Variants in PMVK observed in about 807,000 individuals in gnomAD.
PMVK encodes phosphomevalonate kinase, also known as testis tissue sperm-binding protein Li 95mP.
In PMVK, 10 loss-of-function variants were observed where a neutral mutation model predicts 19.0. The observed-to-expected ratio is 0.53, with a 90% CI of 0.32 to 0.89. PMVK has a LOEUF of 0.89. PMVK is among the 40% of genes least tolerant of loss of function. PMVK has a pLI of 0.03. For missense variants in PMVK, 222 were observed against 251.1 expected, an observed-to-expected ratio of 0.88 and a Z score of 0.78; for synonymous variants, 108 against 101.6, an observed-to-expected ratio of 1.06 and a Z score of -0.38.
chr1:154,936,743 G>T, upstream of PMVK: 1 of 1,441,474 alleles, frequency 6.9e-7, no homozygotes, highest in South Asian at 1.2e-5. Flanking sequence ...CCTAAAATCG[G>T]GACACCGCGC....
At chr1:154,933,489 CCT>C (rs1491569445) in intron 1 of PMVK, among the ~76,000 whole-genome samples, 2 of 144,648 alleles carry the variant, frequency 1.4e-5, no homozygotes, top group African/African-American at 5.3e-5. Flanking sequence ...ACTTAACCAA[CCT>C]TTTTTTTTTT....
chr1:154,934,782 AG>A (rs1207631665), intron 1 of PMVK, among the ~76,000 whole-genome samples: 1 of 152,104 alleles, frequency 6.6e-6, no homozygotes, highest in African/African-American at 2.4e-5. Context: ...GACGCAGGCC[AG>A]GTGCGGTGGT....
rs1024842929 is a variant in PMVK, at chr1:154,936,687, G to T, written c.-2C>A. 1.2e-6 allele frequency: 2 copies of T among 1,601,256 alleles called. No homozygotes were observed. The highest frequency in any genetic ancestry group is 1.7e-6 in the Non-Finnish European group (2 of 1,174,472). ...CGGGGCGCCTCCCAGCGGGGCCATG[G>T]GGCCGCCACGCCTCGCGATGCCTGA... is the stretch of plus-strand genomic sequence containing the variant. On this transcript the variant is annotated 5_prime_UTR_variant, in exon 1 of 5. Coordinates refer to ENST00000368467, the MANE Select transcript of PMVK (RefSeq NM_006556.4).
At chr1:154,926,798 T>C (rs1654177475) in intron 3 of PMVK, among the ~76,000 whole-genome samples, 1 of 152,166 alleles carries the variant, frequency 6.6e-6, no homozygotes, top group Admixed American at 6.5e-5. Flanking sequence ...ACAGACCCTG[T>C]GCCTGCCCTC....
rs1239460660 is a variant in PMVK at position 154,924,941 on chromosome 1, G to A, written c.*188C>T. ...GAGTCTCCTCCTGAAGAGCATGGCTGTCTTCCCCATGGAGAAAATGAGGTC... is the reference window on the plus strand; with the variant it reads ...GAGTCTCCTCCTGAAGAGCATGGCTATCTTCCCCATGGAGAAAATGAGGTC... On this transcript the variant is annotated 3_prime_UTR_variant, in exon 5 of 5. Transcript: ENST00000368467. 5 of 634,438 alleles carry A rather than the reference G, an allele frequency of 7.9e-6. No individual in the cohort carries two copies. Among genetic ancestry groups the A allele is most frequent in the South Asian group, 1.9e-5 (1 of 53,226 alleles). 39.3% of individuals were successfully genotyped at this position (634,438 alleles called of 1,614,324 possible). A position where few individuals can be genotyped will look rare whatever the true frequency, so the allele number is the denominator to read the frequency against.
chr1:154,932,505 G>T, intron 1 of PMVK, 90 bp from the exon 2 acceptor site: 5 of 791,464 alleles, frequency 6.3e-6, no homozygotes, highest in Non-Finnish European at 8.1e-6. Flanking sequence ...CTGTGTTGAA[G>T]TCCCATTTCT....
chr1:154,925,855 G>C (rs755037238), intron 4 of PMVK, among the ~76,000 whole-genome samples: 6 of 152,232 alleles, frequency 3.9e-5, no homozygotes, highest in Non-Finnish European at 5.9e-5. Context: ...CCCCAGAAAT[G>C]AGCAGCATTA....
chr1:154,925,855 G>A (rs755037238), intron 4 of PMVK, among the ~76,000 whole-genome samples: 1 of 152,232 alleles, frequency 6.6e-6, no homozygotes, highest in South Asian at 2.1e-4. Flanking sequence ...CCCCAGAAAT[G>A]AGCAGCATTA....
At chr1:154,938,287 C>T (rs1489801626), upstream of PMVK, among the ~76,000 whole-genome samples, 1 of 152,208 alleles carries the variant, frequency 6.6e-6, no homozygotes, top group Non-Finnish European at 1.5e-5. Context: ...AGATCCAGCT[C>T]CCTGAATACC....
upstream of PMVK, among the ~76,000 whole-genome samples, chr1:154,940,197 T>G (rs1023656295): frequency 7.9e-5 from 12 of 152,246 alleles, no homozygotes; most frequent in Admixed American, 2.0e-4. Flanking sequence ...AAGGGAGCTA[T>G]CTAGCACTTT....
intron 3 of PMVK, 104 bp from the exon 4 acceptor site, chr1:154,926,587 C>A (rs1654172258): frequency 3.3e-6 from 3 of 918,226 alleles, no homozygotes; most frequent in East Asian, 5.1e-5. Flanking sequence ...TGGCTCTACC[C>A]CCCCATCATC....
At chr1:154,935,419 G>T (rs940317114) in intron 1 of PMVK, among the ~76,000 whole-genome samples, 6 of 152,072 alleles carry the variant, frequency 3.9e-5, no homozygotes, top group Admixed American at 6.6e-5. Context: ...CCTAGCCCAG[G>T]TCTCAGCAAA....
At position 154,925,086 on chromosome 1, in the gene PMVK, C is replaced by CCCCCACCACACCACG; in HGVS notation, c.*42_*43insCGTGGTGTGGTGGGG. On this transcript the variant is annotated 3_prime_UTR_variant, in exon 5 of 5. Transcript: ENST00000368467. ...CCCCCATTTTGCAGAGTCAGCCCCA[C>CCCCCACCACACCACG]CCCCACCTCAGCAGGCCCCAGCTCA... The CCCCCACCACACCACG allele has an allele frequency of 7.1e-7, 1 of 1,406,674 alleles. No individual in the cohort carries two copies. Among genetic ancestry groups the CCCCCACCACACCACG allele is most frequent in the South Asian group, 1.2e-5 (1 of 84,558 alleles). The allele number at this position is 1,406,674 out of a possible 1,614,324, so 87.1% of individuals were successfully genotyped here.
At chr1:154,939,586 C>T (rs1385866443), upstream of PMVK, among the ~76,000 whole-genome samples, 1 of 150,910 alleles carries the variant, frequency 6.6e-6, no homozygotes, top group African/African-American at 2.4e-5. Flanking sequence ...GTCCCAGCTA[C>T]ACTCGGGAGG....
chr1:154,936,718 A>T lies in PMVK; in HGVS notation c.-33T>A. Reference sequence around the variant, plus strand: ...CCACGCCTCGCGATGCCTGAAGCTGACACTTCTCCCTACCCCTAAAATCGG... The same window carrying T: ...CCACGCCTCGCGATGCCTGAAGCTGTCACTTCTCCCTACCCCTAAAATCGG... On this transcript the variant is annotated 5_prime_UTR_variant, in exon 1 of 5. Transcript: ENST00000368467. 1 of 1,551,656 alleles carries T rather than the reference A, an allele frequency of 6.4e-7. No individual in the cohort carries two copies. The highest frequency in any genetic ancestry group is 8.8e-7 in the Non-Finnish European group (1 of 1,138,636).
At chr1:154,928,973 C>T (rs1654253302) in intron 3 of PMVK, 51 bp downstream of exon 3, 10 of 1,561,488 alleles carry the variant, frequency 6.4e-6, no homozygotes, top group African/African-American at 1.4e-5. Context: ...ATGGACACAG[C>T]GAAGAGCTAG....
At chr1:154,929,609 C>T (rs978793606) in intron 2 of PMVK, among the ~76,000 whole-genome samples, 1 of 152,030 alleles carries the variant, frequency 6.6e-6, no homozygotes, top group African/African-American at 2.4e-5. Flanking sequence ...CATCCCAAAT[C>T]CCACGGAGAT....
intron 1 of PMVK, among the ~76,000 whole-genome samples, chr1:154,935,041 A>G (rs1249895211): frequency 6.9e-6 from 1 of 144,246 alleles, no homozygotes; most frequent in Non-Finnish European, 1.5e-5. Flanking sequence ...CCTGGGTGAC[A>G]GAGCAAGACT....
At chr1:154,928,242 A>G (rs1654229069) in intron 3 of PMVK, among the ~76,000 whole-genome samples, 1 of 152,194 alleles carries the variant, frequency 6.6e-6, no homozygotes, top group Non-Finnish European at 1.5e-5. Flanking sequence ...CAGTCCAGAC[A>G]GGTGGAAGGG....
Sources: gnomAD v4.1 joint callset for allele counts (sites outside exome capture counted in the v4.1 genomes callset) on GRCh38, gnomAD v4.1.1 for gene constraint, MANE v1.5 for transcripts, NCBI Gene and HGNC (gene_info 2026-07-23, HGNC 2026-07-21) for gene names.